Variants in PNPLA4 observed in about 807,000 individuals in gnomAD.
The protein encoded by PNPLA4 is patatin-like phospholipase domain-containing protein 4.
Under a neutral mutation model 18.3 loss-of-function variants are expected in PNPLA4, and 15 were observed. That is an observed-to-expected ratio of 0.82 (90% CI 0.55 to 1.26). PNPLA4 has a LOEUF of 1.26. Ranked by LOEUF, PNPLA4 falls within the 50% of genes most tolerant of loss-of-function variation. The probability of loss-of-function intolerance (pLI) is 0.00; values close to 1 mark genes in which losing one functional copy is unlikely to be tolerated. For missense variants in PNPLA4, 229 were observed against 196.8 expected, an observed-to-expected ratio of 1.16 and a Z score of -0.98; for synonymous variants, 88 against 85.6, an observed-to-expected ratio of 1.03 and a Z score of -0.16.
intron 2 of PNPLA4, 92 bp from the exon 3 acceptor site, chrX:7,922,190 A>C (rs757360312): frequency 1.6e-4 from 97 of 621,051 alleles, no homozygotes; most frequent in Non-Finnish European, 1.7e-4. Context: ...ACCCAACAGC[A>C]AATGTAGGGT....
chrX:7,916,699 A>G (rs1380197452), intron 4 of PNPLA4, among the ~76,000 whole-genome samples: 1 of 111,659 alleles, frequency 9.0e-6, no homozygotes, highest in African/African-American at 3.3e-5. Flanking sequence ...TCAATTCCCT[A>G]AATTATCTGC....
At position 7,899,897 on chromosome X, in the gene PNPLA4, G is replaced by C. The variant is rs888685791; in HGVS notation, c.*789C>G. On this transcript the variant is annotated 3_prime_UTR_variant, in exon 7 of 7. Coordinates refer to ENST00000381042, the MANE Select transcript of PNPLA4 (RefSeq NM_004650.3). ...TGAAGTGTATGTAGCTCCCACAATT[G>C]CCACACGTTGTGGGAGGGACCCAGT... The C allele has an allele frequency of 9.0e-6, 1 of 111,727 alleles. No homozygotes were observed. The highest frequency in any genetic ancestry group is 3.3e-5 in the African/African-American group (1 of 30,657). The allele number at this position is 111,727 out of a possible 1,213,427, so 9.2% of individuals were successfully genotyped here. A position where few individuals can be genotyped will look rare whatever the true frequency, so the allele number is the denominator to read the frequency against.
chrX:7,922,132 G>A (rs1369559316), intron 2 of PNPLA4, 34 bp from the exon 3 acceptor site: 1 of 984,716 alleles, frequency 1.0e-6, no homozygotes, highest in Non-Finnish European at 1.4e-6. Flanking sequence ...GACCCTAGGT[G>A]TTGTAAAGAA....
At position 7,922,033 on chromosome X, in the gene PNPLA4, C is replaced by T. The variant is rs779781060; in HGVS notation, c.246G>A (p.Thr82=). The change falls in exon 3 of 7, where the codon ACG becomes ACA. Residue 82 remains threonine, a synonymous_variant. Coordinates refer to ENST00000381042, the MANE Select transcript of PNPLA4 (RefSeq NM_004650.3). ...GTCGGGCCATGAAGTCATAACCGGG[C>T]GTTACTGCCCCGAAAGACTGCCTTC... The part of the protein sequence containing the change: ...EIRRQSFGAV[T]PGYDFMARLR... The T allele has an allele frequency of 1.6e-5, 19 of 1,206,512 alleles. No homozygotes were observed. The Admixed American group carries it at 1.7e-4, about 11-fold the overall frequency.
intron 5 of PNPLA4, among the ~76,000 whole-genome samples, chrX:7,905,474 T>C (rs1923679133): frequency 8.9e-6 from 1 of 111,975 alleles, no homozygotes; most frequent in Non-Finnish European, 1.9e-5. Context: ...AGTGTGTGTC[T>C]GGATGTATGG....
At chrX:7,915,629 G>A (rs889381617) in intron 4 of PNPLA4, among the ~76,000 whole-genome samples, 1 of 111,839 alleles carries the variant, frequency 8.9e-6, no homozygotes, top group Non-Finnish European at 1.9e-5. Flanking sequence ...CGCCAGGTGC[G>A]CATTCCCGAC....
Position 7,902,929 on chromosome X carries a change from T to A in PNPLA4, c.478-788A>T, listed in dbSNP as rs1290513861. Among the ~76,000 whole-genome samples the A allele has an allele frequency of 5.9e-4, 66 of 112,042 alleles. No individual in the cohort carries two copies. The Admixed American group carries it at 6.2e-3, about 11-fold the overall frequency. On this transcript the variant is annotated intron_variant, in intron 5 of 6. Coordinates refer to ENST00000381042, the MANE Select transcript of PNPLA4 (RefSeq NM_004650.3). ...AAACAGTCTCAATGCAGCCATGATC[T>A]GATGTATTCACATGATCAGCTATAG...
At chrX:7,903,265 CCTT>C (rs1276170056) in intron 5 of PNPLA4, among the ~76,000 whole-genome samples, 1 of 96,312 alleles carries the variant, frequency 1.0e-5, no homozygotes, top group Non-Finnish European at 2.1e-5. Flanking sequence ...TTTTTCATGT[CCTT>C]CTTGTGTTTA....
rs1289243458 is a variant in PNPLA4 at position 7,898,578 on chromosome X, C to G, written c.*2108G>C. The G allele has an allele frequency of 1.8e-5, 2 of 111,530 alleles. No homozygotes were observed. Among genetic ancestry groups the G allele is most frequent in the Non-Finnish European group, 3.8e-5 (2 of 53,114 alleles). The allele number at this position is 111,530 out of a possible 1,213,427, so 9.2% of individuals were successfully genotyped here. On this transcript the variant is annotated 3_prime_UTR_variant, in exon 7 of 7. Coordinates refer to ENST00000381042, the MANE Select transcript of PNPLA4 (RefSeq NM_004650.3). Reference sequence around the variant, plus strand: ...AGCCCCGGAGAGCGCCTAGTGTGCACCAAGTATGTGTTTCATTACACCGCT... The same window carrying G: ...AGCCCCGGAGAGCGCCTAGTGTGCAGCAAGTATGTGTTTCATTACACCGCT...
At chrX:7,913,920 T>C (rs1399916592) in intron 4 of PNPLA4, among the ~76,000 whole-genome samples, 2 of 112,621 alleles carry the variant, frequency 1.8e-5, no homozygotes, top group African/African-American at 6.5e-5. Flanking sequence ...ATATAAAATG[T>C]ATATTTTTAC....
chrX:7,907,247 G>A (rs1293719734), intron 5 of PNPLA4, among the ~76,000 whole-genome samples: 1 of 111,378 alleles, frequency 9.0e-6, no homozygotes, highest in African/African-American at 3.3e-5. Context: ...TCGAACTCCT[G>A]ATCTCAGGTG....
chrX:7,901,495 C>T (rs1395329865), intron 6 of PNPLA4, among the ~76,000 whole-genome samples: 1 of 111,097 alleles, frequency 9.0e-6, no homozygotes, highest in Non-Finnish European at 1.9e-5. Flanking sequence ...GCTGAGGTGG[C>T]AGGATTACCT....
intron 4 of PNPLA4, among the ~76,000 whole-genome samples, chrX:7,919,144 A>C (rs1924135606): frequency 8.8e-6 from 1 of 112,997 alleles, no homozygotes; most frequent in African/African-American, 3.2e-5. Context: ...AAATTCTCTG[A>C]ATAGTTATTA....
intron 4 of PNPLA4, among the ~76,000 whole-genome samples, chrX:7,912,691 T>C (rs1923914836): frequency 3.6e-5 from 4 of 112,578 alleles, no homozygotes; most frequent in Non-Finnish European, 7.5e-5. Flanking sequence ...TACCATTCCA[T>C]ACATCATGGG....
At chrX:7,916,569 G>T (rs1924052247) in intron 4 of PNPLA4, among the ~76,000 whole-genome samples, 1 of 111,445 alleles carries the variant, frequency 9.0e-6, no homozygotes, top group African/African-American at 3.3e-5. Context: ...ACCTTGTTCT[G>T]AAGGTCTCCA....
chrX:7,908,871 C>T (rs1923788412), intron 5 of PNPLA4, among the ~76,000 whole-genome samples: 2 of 111,662 alleles, frequency 1.8e-5, no homozygotes, highest in African/African-American at 6.5e-5. Flanking sequence ...AGTTCTGGGC[C>T]TGTGCGTTCC....
rs1923416290 is a variant in PNPLA4, at chrX:7,898,771, A to G, written c.*1915T>C. The G allele has an allele frequency of 8.9e-6, 1 of 111,868 alleles. No homozygotes were observed. 9.2% of individuals were successfully genotyped at this position (111,868 alleles called of 1,213,427 possible). A position where few individuals can be genotyped will look rare whatever the true frequency, so the allele number is the denominator to read the frequency against. ...GTACACGTACCCCTGAACTTAAAAT[A>G]AAAGTTAAAAAGAAAAGTACCATCC... On this transcript the variant is annotated 3_prime_UTR_variant, in exon 7 of 7. Transcript: ENST00000381042.
intron 2 of PNPLA4, among the ~76,000 whole-genome samples, chrX:7,923,675 G>A (rs1159425789): frequency 1.8e-5 from 2 of 111,670 alleles, no homozygotes; most frequent in African/African-American, 6.5e-5. Context: ...GAGGACGAAG[G>A]TGAAAGCAGA....
chrX:7,903,205 A>C (rs1923595077), intron 5 of PNPLA4, among the ~76,000 whole-genome samples: 1 of 111,680 alleles, frequency 9.0e-6, no homozygotes, highest in Non-Finnish European at 1.9e-5. Flanking sequence ...GGCCAAAATA[A>C]AATGTTCTCA....
Sources: allele counts gnomAD v4.1 joint callset (sites outside exome capture counted in the v4.1 genomes callset), GRCh38; gene constraint gnomAD v4.1.1; transcripts MANE v1.5; gene names NCBI Gene and HGNC (gene_info 2026-07-23, HGNC 2026-07-21).